The following CHN2 variants were observed in gnomAD, a reference collection of about 807,000 sequenced individuals.
CHN2 encodes beta-chimaerin.
CHN2 carries 35 observed loss-of-function variants against 56.3 expected under a neutral mutation model. The ratio of observed to expected loss-of-function variants is 0.62; its 90% CI spans 0.47 to 0.82. The LOEUF is 0.82. Among genes scored for constraint, CHN2 ranks in the 40% least tolerant of loss-of-function variants. The probability of loss-of-function intolerance (pLI) is 0.00; values close to 1 mark genes in which losing one functional copy is unlikely to be tolerated. For synonymous variants in CHN2, 210 were observed against 212.8 expected (o/e 0.99, Z 0.12); for missense variants, 491 against 580.5 (o/e 0.85, Z 1.58).
rs1255976593 is a variant in CHN2, at chr7:29,217,773, C to T, written c.49+22783C>T. 5.3e-5 allele frequency among the ~76,000 whole-genome samples: 8 copies of T among 152,072 alleles called. No individual in the cohort carries two copies. In the East Asian group the frequency reaches 7.7e-4, roughly 15 times the overall value. On this transcript the variant is annotated intron_variant, in intron 1 of 12. Transcript: ENST00000222792. ...CCTAAGGATATCTGAATAAAAGATA[C>T]GTATCTGATAATTTGCCATCTCAGC...
chr7:29,333,439 A>G (rs958901303), intron 1 of CHN2, among the ~76,000 whole-genome samples: 3 of 152,238 alleles, frequency 2.0e-5, no homozygotes, highest in African/African-American at 7.2e-5. Context: ...TGGGAGAGGT[A>G]CATGCAGCTA....
intron 1 of CHN2, among the ~76,000 whole-genome samples, chr7:29,300,247 C>T (rs1203950756): frequency 6.6e-6 from 1 of 152,110 alleles, no homozygotes; most frequent in Non-Finnish European, 1.5e-5. Flanking sequence ...ATGAGGGAAC[C>T]AGATGCAATA....
intron 6 of CHN2, among the ~76,000 whole-genome samples, chr7:29,439,296 G>A (rs1783458808): frequency 2.6e-5 from 4 of 152,148 alleles, no homozygotes. Flanking sequence ...TTTCAGCCTG[G>A]TATTCTGAGT....
At chr7:29,166,347 T>A (rs1795920280) in intron 2 of CHN2, among the ~76,000 whole-genome samples, 1 of 152,212 alleles carries the variant, frequency 6.6e-6, no homozygotes, top group Admixed American at 6.5e-5. Flanking sequence ...CAAAGTGTTT[T>A]ATCCTCTTTG....
chr7:29,209,951 G>A (rs539102979), intron 1 of CHN2, among the ~76,000 whole-genome samples: 1 of 152,292 alleles, frequency 6.6e-6, no homozygotes, highest in East Asian at 1.9e-4. Context: ...TGGATGAGGG[G>A]TCACGTGACC....
At chr7:29,155,841 G>A (rs1351097285) in intron 2 of CHN2, among the ~76,000 whole-genome samples, 1 of 152,096 alleles carries the variant, frequency 6.6e-6, no homozygotes, top group African/African-American at 2.4e-5. Flanking sequence ...GGAAAGGCGA[G>A]GACATTTCTA....
At chr7:29,336,079 GAGC>G (rs1416247998) in intron 1 of CHN2, 1 of 152,170 alleles carries the variant, frequency 6.6e-6, no homozygotes, top group Non-Finnish European at 1.5e-5. Flanking sequence ...GTTTTTCCAT[GAGC>G]AGCAAGAGCT....
At chr7:29,481,069 G>A (rs1787163806) in intron 7 of CHN2, among the ~76,000 whole-genome samples, 3 of 152,194 alleles carry the variant, frequency 2.0e-5, no homozygotes, top group Admixed American at 1.3e-4. Context: ...ATTATGGCCT[G>A]TTTCCTTTGC....
chr7:29,415,147 G>C (rs148599829), intron 6 of CHN2, among the ~76,000 whole-genome samples: 1,728 of 152,284 alleles, frequency 0.011, 37 homozygotes, highest in African/African-American at 0.039. Flanking sequence ...GCTCGGGATG[G>C]GCCAGTGACA....
At chr7:29,202,133 G>C (rs930182428) in intron 1 of CHN2, among the ~76,000 whole-genome samples, 3 of 152,178 alleles carry the variant, frequency 2.0e-5, no homozygotes, top group African/African-American at 7.2e-5. Flanking sequence ...TGTTCAAAAA[G>C]TTTGGATCTT....
chr7:29,311,081 T>G (rs1204233297), intron 1 of CHN2, among the ~76,000 whole-genome samples: 2 of 152,246 alleles, frequency 1.3e-5, no homozygotes, highest in Middle Eastern at 3.2e-3. Flanking sequence ...CCCTTCCTAC[T>G]GCACACTTAA....
intron 1 of CHN2, among the ~76,000 whole-genome samples, chr7:29,286,980 T>A (rs1792196731): frequency 6.6e-6 from 1 of 152,190 alleles, no homozygotes; most frequent in African/African-American, 2.4e-5. Flanking sequence ...AGCATTCACC[T>A]AGTATTCATT....
At chr7:29,163,862 T>C (rs1795531472) in intron 2 of CHN2, among the ~76,000 whole-genome samples, 1 of 152,238 alleles carries the variant, frequency 6.6e-6, no homozygotes, top group Admixed American at 6.5e-5. Context: ...AGTTCACTCC[T>C]TTTCATTGCT....
chr7:29,436,005 T>C (rs775776889), intron 6 of CHN2, among the ~76,000 whole-genome samples: 1 of 151,848 alleles, frequency 6.6e-6, no homozygotes, highest in Non-Finnish European at 1.5e-5. Flanking sequence ...TGAAGCAGTC[T>C]TCTCTCACTA....
At chr7:29,221,923 C>T (rs146044210) in intron 1 of CHN2, among the ~76,000 whole-genome samples, 119 of 152,216 alleles carry the variant, frequency 7.8e-4, no homozygotes, top group African/African-American at 2.7e-3. Context: ...AGTGAACATA[C>T]GCATGCATGT....
chr7:29,259,137 G>T (rs958491631), intron 1 of CHN2, among the ~76,000 whole-genome samples: 3 of 152,096 alleles, frequency 2.0e-5, no homozygotes, highest in African/African-American at 7.2e-5. Flanking sequence ...AGACCAGCCT[G>T]GGTAACATGG....
chr7:29,476,579 A>G (rs577540755), intron 6 of CHN2, among the ~76,000 whole-genome samples: 1 of 152,028 alleles, frequency 6.6e-6, no homozygotes, highest in South Asian at 2.1e-4. Context: ...AAAAATACAC[A>G]TATATATGCA....
At chr7:29,394,683 A>G (rs1202970645) in intron 4 of CHN2, among the ~76,000 whole-genome samples, 2 of 152,158 alleles carry the variant, frequency 1.3e-5, no homozygotes, top group African/African-American at 4.8e-5. Context: ...TGTCTAATCT[A>G]TGTTGTAGTA....
chr7:29,420,608 C>T (rs1804239458), intron 6 of CHN2, among the ~76,000 whole-genome samples: 1 of 152,032 alleles, frequency 6.6e-6, no homozygotes, highest in Non-Finnish European at 1.5e-5. Flanking sequence ...TTCACAGCAA[C>T]AGAATGTGAA....
Sources: gnomAD v4.1 joint callset for allele counts (sites outside exome capture counted in the v4.1 genomes callset) on GRCh38, gnomAD v4.1.1 for gene constraint, MANE v1.5 for transcripts, NCBI Gene and HGNC (gene_info 2026-07-23, HGNC 2026-07-21) for gene names.